MRPS31: variants seen among roughly 807,000 people sequenced by gnomAD.
MRPS31 encodes mitochondrial ribosomal protein S31.
In MRPS31, 32 loss-of-function variants were observed where a neutral mutation model predicts 43.1. The observed-to-expected ratio is 0.74, with a 90% confidence interval of 0.56 to 1.00. MRPS31 has a LOEUF of 1.00. Ranked by LOEUF, MRPS31 falls within the 50% of genes least tolerant of loss-of-function variation. The pLI is 0.00. For synonymous variants in MRPS31, 165 were observed against 161.6 expected, an observed-to-expected ratio of 1.02 and a Z score of -0.16; for missense variants, 437 against 466.7, an observed-to-expected ratio of 0.94 and a Z score of 0.59.
chr13:40,746,181 C>T (rs1216398300), intron 6 of MRPS31, among the ~76,000 whole-genome samples: 4 of 152,108 alleles, frequency 2.6e-5, no homozygotes, highest in African/African-American at 4.8e-5. Flanking sequence ...AAACATCTTT[C>T]CCCAAAAGAA....
intron 5 of MRPS31, among the ~76,000 whole-genome samples, chr13:40,753,638 T>C (rs771937765): frequency 8.5e-5 from 13 of 152,180 alleles, no homozygotes; most frequent in Non-Finnish European, 1.3e-4. Context: ...TCCCAGGGCA[T>C]ACCTGGGAAC....
intron 6 of MRPS31, among the ~76,000 whole-genome samples, chr13:40,737,618 T>C (rs1316101864): frequency 6.6e-6 from 1 of 152,058 alleles, no homozygotes; most frequent in African/African-American, 2.4e-5. Flanking sequence ...AAACTAGAAC[T>C]CAGGATTAAG....
At chr13:40,748,727 T>A (rs1880307549) in intron 6 of MRPS31, among the ~76,000 whole-genome samples, 1 of 152,220 alleles carries the variant, frequency 6.6e-6, no homozygotes, top group Admixed American at 6.5e-5. Flanking sequence ...TGCAATGGTT[T>A]TATGACTAAA....
intron 5 of MRPS31, 87 bp from the exon 6 acceptor site, chr13:40,749,368 AT>A: frequency 9.4e-7 from 1 of 1,062,422 alleles, no homozygotes; most frequent in Non-Finnish European, 1.3e-6. Context: ...TTGACCATGT[AT>A]TTTTCAGACC....
chr13:40,747,101 C>A (rs1880260151), intron 6 of MRPS31, among the ~76,000 whole-genome samples: 1 of 151,162 alleles, frequency 6.6e-6, no homozygotes, highest in African/African-American at 2.4e-5. Flanking sequence ...TTTTTTGAGG[C>A]ACAGTTTCGC....
intron 6 of MRPS31, among the ~76,000 whole-genome samples, chr13:40,732,018 A>G (rs1423671098): frequency 6.6e-6 from 1 of 152,252 alleles, no homozygotes; most frequent in Non-Finnish European, 1.5e-5. Flanking sequence ...ATATACAAAA[A>G]TAAGTTCTAG....
intron 4 of MRPS31, among the ~76,000 whole-genome samples, chr13:40,754,454 T>A (rs1485954812): frequency 3.3e-5 from 5 of 152,204 alleles, no homozygotes; most frequent in Non-Finnish European, 7.3e-5. Flanking sequence ...AAACTCAACA[T>A]TTGTCTTTAA....
At chr13:40,744,723 G>A (rs955118284) in intron 6 of MRPS31, among the ~76,000 whole-genome samples, 4 of 152,070 alleles carry the variant, frequency 2.6e-5, no homozygotes, top group Admixed American at 1.3e-4. Context: ...CAAGCAATTC[G>A]TGTGCCTCAG....
intron 5 of MRPS31, among the ~76,000 whole-genome samples, chr13:40,750,174 T>C (rs531542692): frequency 9.2e-5 from 14 of 152,284 alleles, no homozygotes; most frequent in South Asian, 2.1e-4. Context: ...AGCCATGCAA[T>C]TGTATACTAC....
chr13:40,750,451 C>T (rs950727448), intron 5 of MRPS31, among the ~76,000 whole-genome samples: 4 of 151,974 alleles, frequency 2.6e-5, no homozygotes, highest in African/African-American at 4.8e-5. Context: ...AAAATTATAA[C>T]TGGTAGTTTC....
At chr13:40,755,333 G>T (rs1593449391) in intron 4 of MRPS31, among the ~76,000 whole-genome samples, 2 of 152,244 alleles carry the variant, frequency 1.3e-5, no homozygotes, top group Middle Eastern at 3.4e-3. Context: ...CACAGCAGAG[G>T]GCAAATGCCT....
intron 6 of MRPS31, among the ~76,000 whole-genome samples, chr13:40,739,382 C>G (rs1318959884): frequency 6.6e-6 from 1 of 152,130 alleles, no homozygotes; most frequent in Non-Finnish European, 1.5e-5. Flanking sequence ...TTTACAGATT[C>G]AATGCCATCC....
At chr13:40,761,115 A>T (rs1880683609) in intron 2 of MRPS31, among the ~76,000 whole-genome samples, 2 of 151,938 alleles carry the variant, frequency 1.3e-5, no homozygotes, top group Admixed American at 1.3e-4. Flanking sequence ...AAGAAAAAAA[A>T]AAATTAGCCA....
chr13:40,747,491 C>G (rs138394428), intron 6 of MRPS31, among the ~76,000 whole-genome samples: 29 of 152,238 alleles, frequency 1.9e-4, no homozygotes, highest in African/African-American at 5.5e-4. Flanking sequence ...TTACGTTACC[C>G]TGATACCTTC....
rs1403196577 is a variant in MRPS31, at chr13:40,739,415, C to A, written c.958+9723G>T. Among the ~76,000 whole-genome samples, 4 of 152,182 alleles carry A rather than the reference C, an allele frequency of 2.6e-5. No homozygotes were observed. In the East Asian group the frequency reaches 7.7e-4, roughly 29 times the overall value. Reference sequence around the variant, plus strand: ...TCCCCATCAAGCTACCAATGACTTTCTTCACAGAATTGGAAAAAAATACTT... The same window carrying A: ...TCCCCATCAAGCTACCAATGACTTTATTCACAGAATTGGAAAAAAATACTT... On this transcript the variant is annotated intron_variant, in intron 6 of 6. Transcript: ENST00000323563.
chr13:40,738,207 T>C (rs922454986), intron 6 of MRPS31, among the ~76,000 whole-genome samples: 20 of 151,090 alleles, frequency 1.3e-4, no homozygotes, highest in African/African-American at 2.9e-4. Context: ...ATAAATTCCT[T>C]GACACATACA....
chr13:40,742,199 A>G (rs1383583038), intron 6 of MRPS31, among the ~76,000 whole-genome samples: 2 of 152,172 alleles, frequency 1.3e-5, no homozygotes, highest in Non-Finnish European at 2.9e-5. Context: ...TAAAGAAAAC[A>G]TAAGAGACAG....
chr13:40,745,241 A>G (rs1880210769), intron 6 of MRPS31, among the ~76,000 whole-genome samples: 1 of 151,682 alleles, frequency 6.6e-6, no homozygotes, highest in Admixed American at 6.6e-5. Flanking sequence ...ATTTTATTTT[A>G]TTTTACTTTA....
chr13:40,757,839 T>C (rs1300429900), intron 3 of MRPS31, among the ~76,000 whole-genome samples: 1 of 149,182 alleles, frequency 6.7e-6, no homozygotes, highest in Non-Finnish European at 1.5e-5. Context: ...CTTCAAACCC[T>C]GGACTTAAGT....
Sources: gnomAD v4.1 joint callset for allele counts (sites outside exome capture counted in the v4.1 genomes callset) on GRCh38, gnomAD v4.1.1 for gene constraint, MANE v1.5 for transcripts, NCBI Gene and HGNC (gene_info 2026-07-23, HGNC 2026-07-21) for gene names.